The following MYO3B variants were observed in gnomAD, a reference collection of about 807,000 sequenced individuals.
The protein encoded by MYO3B is myosin IIIB.
MYO3B carries 156 observed loss-of-function variants against 174.6 expected under a neutral mutation model. The ratio of observed to expected loss-of-function variants is 0.89; its 90% CI spans 0.78 to 1.02. MYO3B has a LOEUF of 1.02. Among genes scored for constraint, MYO3B ranks in the 50% least tolerant of loss-of-function variants. MYO3B has a pLI of 0.00. For missense variants in MYO3B, 1,632 were observed against 1,639.4 expected, an observed-to-expected ratio of 1.00 and a Z score of 0.08; for synonymous variants, 563 against 569.1, an observed-to-expected ratio of 0.99 and a Z score of 0.15.
chr2:170,367,677 T>C (rs1160962374), intron 8 of MYO3B, among the ~76,000 whole-genome samples: 1 of 152,220 alleles, frequency 6.6e-6, no homozygotes, highest in Non-Finnish European at 1.5e-5. Context: ...TATCTAAGCA[T>C]ATTAACTTTG....
chr2:170,184,312 C>G (rs1465203116), intron 1 of MYO3B, among the ~76,000 whole-genome samples: 1 of 151,188 alleles, frequency 6.6e-6, no homozygotes, highest in Non-Finnish European at 1.5e-5. Context: ...TTTTTTGTAC[C>G]CATTAACCAT....
intron 32 of MYO3B, among the ~76,000 whole-genome samples, chr2:170,621,217 T>C (rs1055019248): frequency 6.6e-6 from 1 of 152,096 alleles, no homozygotes; most frequent in Non-Finnish European, 1.5e-5. Context: ...GAAAAGATAG[T>C]CCAGGACAAC....
chr2:170,179,567 C>T (rs943874412), intron 1 of MYO3B, among the ~76,000 whole-genome samples: 3 of 152,114 alleles, frequency 2.0e-5, no homozygotes, highest in Non-Finnish European at 4.4e-5. Flanking sequence ...GTTCAGTCTC[C>T]TTTTTCTCTC....
intron 32 of MYO3B, among the ~76,000 whole-genome samples, chr2:170,595,127 C>T (rs760954206): frequency 2.6e-5 from 4 of 152,144 alleles, no homozygotes; most frequent in Non-Finnish European, 5.9e-5. Context: ...CCCCACAAAC[C>T]TAAGTTTTGA....
intron 32 of MYO3B, among the ~76,000 whole-genome samples, chr2:170,598,242 A>T (rs1216215560): frequency 1.3e-5 from 2 of 152,208 alleles, no homozygotes; most frequent in Non-Finnish European, 2.9e-5. Context: ...TGGTCTGTGT[A>T]TTCAAATGGT....
intron 32 of MYO3B, among the ~76,000 whole-genome samples, chr2:170,576,517 T>C (rs1449097431): frequency 6.6e-6 from 1 of 152,082 alleles, no homozygotes; most frequent in African/African-American, 2.4e-5. Flanking sequence ...CTGTTGGGAG[T>C]CCAGTGGAGA....
chr2:170,465,623 C>A (rs1456340498), intron 24 of MYO3B, among the ~76,000 whole-genome samples: 1 of 152,160 alleles, frequency 6.6e-6, no homozygotes, highest in Non-Finnish European at 1.5e-5. Context: ...TGAAGTGATC[C>A]TCAAGATCTT....
At chr2:170,267,077 C>G (rs1276732500) in intron 7 of MYO3B, among the ~76,000 whole-genome samples, 1 of 152,142 alleles carries the variant, frequency 6.6e-6, no homozygotes, top group Non-Finnish European at 1.5e-5. Context: ...AGCTAGACAT[C>G]TTCCTGTTCT....
intron 14 of MYO3B, among the ~76,000 whole-genome samples, chr2:170,389,794 G>A (rs573698044): frequency 1.6e-4 from 24 of 152,010 alleles, no homozygotes; most frequent in African/African-American, 3.9e-4. Context: ...GTTTCTTTCC[G>A]TCACCATCCT....
intron 22 of MYO3B, among the ~76,000 whole-genome samples, chr2:170,441,233 C>A (rs1446231120): frequency 6.6e-6 from 1 of 152,172 alleles, no homozygotes; most frequent in Non-Finnish European, 1.5e-5. Context: ...TTTACTTCTT[C>A]CTTTCTGATG....
At chr2:170,638,607 G>A (rs1697719596) in intron 32 of MYO3B, among the ~76,000 whole-genome samples, 1 of 152,130 alleles carries the variant, frequency 6.6e-6, no homozygotes, top group South Asian at 2.1e-4. Context: ...AGGGCCTCTG[G>A]GCTAATGGTT....
At chr2:170,225,140 G>A (rs1056278823) in intron 6 of MYO3B, among the ~76,000 whole-genome samples, 1 of 152,218 alleles carries the variant, frequency 6.6e-6, no homozygotes, top group South Asian at 2.1e-4. Context: ...AGCGTTTAGC[G>A]AGTGCTTACT....
chr2:170,499,911 CT>C, intron 27 of MYO3B, 103 bp downstream of exon 27: 1 of 878,390 alleles, frequency 1.1e-6, no homozygotes, highest in Non-Finnish European at 1.7e-6. Context: ...CCCTCCCTCC[CT>C]TCCTTCTCCC....
intron 30 of MYO3B, among the ~76,000 whole-genome samples, chr2:170,532,717 G>A (rs1689433210): frequency 6.6e-6 from 1 of 151,444 alleles, no homozygotes; most frequent in Non-Finnish European, 1.5e-5. Flanking sequence ...TCGGGAGGCT[G>A]AGGCAGGAGA....
intron 7 of MYO3B, among the ~76,000 whole-genome samples, chr2:170,236,575 C>A (rs1309612196): frequency 6.6e-6 from 1 of 152,150 alleles, no homozygotes; most frequent in African/African-American, 2.4e-5. Context: ...GTTACATCAG[C>A]GCTATATCTT....
chr2:170,364,701 GT>G (rs1488424747), intron 8 of MYO3B, among the ~76,000 whole-genome samples: 1 of 152,188 alleles, frequency 6.6e-6, no homozygotes, highest in Non-Finnish European at 1.5e-5. Context: ...GCTATCAGGA[GT>G]TTTAGGAATC....
At chr2:170,181,092 T>C (rs920731532) in intron 1 of MYO3B, among the ~76,000 whole-genome samples, 2 of 152,172 alleles carry the variant, frequency 1.3e-5, no homozygotes, top group African/African-American at 4.8e-5. Flanking sequence ...CAATCTTGTA[T>C]GTCTATCTAC....
chr2:170,187,005 CTT>C (rs35780057), intron 1 of MYO3B, among the ~76,000 whole-genome samples: 6 of 134,210 alleles, frequency 4.5e-5, no homozygotes, highest in Admixed American at 1.4e-4. Flanking sequence ...TTTGAGTTGT[CTT>C]TTTTTTTTTT....
intron 9 of MYO3B, among the ~76,000 whole-genome samples, chr2:170,372,460 A>G (rs2094256156): frequency 6.6e-6 from 1 of 152,212 alleles, no homozygotes; most frequent in African/African-American, 2.4e-5. Flanking sequence ...AATAAACACT[A>G]CTGAGGTACT....
Sources: allele counts gnomAD v4.1 joint callset (sites outside exome capture counted in the v4.1 genomes callset), GRCh38; gene constraint gnomAD v4.1.1; transcripts MANE v1.5; gene names NCBI Gene and HGNC (gene_info 2026-07-23, HGNC 2026-07-21).